The following DPYSL3 variants were observed in gnomAD, a reference collection of about 807,000 sequenced individuals.
DPYSL3 encodes dihydropyrimidinase-related protein 3.
DPYSL3 carries 16 observed loss-of-function variants against 66.1 expected under a neutral mutation model. The observed-to-expected ratio is 0.24, with a 90% CI of 0.16 to 0.37. The LOEUF (loss-of-function observed/expected upper bound fraction) is 0.37, where lower values mean the gene tolerates loss of function less well. DPYSL3 is among the 10% of genes least tolerant of loss of function. The pLI is 1.00. For missense variants in DPYSL3, 738 were observed against 916.2 expected (o/e 0.81, Z 2.51); for synonymous variants, 338 against 345.1 (o/e 0.98, Z 0.23).
intron 1 of DPYSL3, among the ~76,000 whole-genome samples, chr5:147,428,813 G>A (rs534325354): frequency 1.8e-4 from 27 of 152,206 alleles, no homozygotes; most frequent in Middle Eastern, 3.4e-3. Context: ...GGTGGGGTGC[G>A]GGGAGGAGGG....
At chr5:147,394,188 C>A in intron 13 of DPYSL3, 65 bp from the exon 14 acceptor site, 3 of 1,533,420 alleles carry the variant, frequency 2.0e-6, no homozygotes, top group South Asian at 2.3e-5. Context: ...GGGATGTGGG[C>A]AAGAGAGAAA....
At chr5:147,397,372 T>A (rs969657802) in intron 12 of DPYSL3, among the ~76,000 whole-genome samples, 3 of 152,216 alleles carry the variant, frequency 2.0e-5, no homozygotes, top group Non-Finnish European at 2.9e-5. Flanking sequence ...ATTTATTTTT[T>A]AAAAAAATAC....
Position 147,509,679 on chromosome 5 carries a change from C to T in DPYSL3, c.180G>A (p.Arg60=), listed in dbSNP as rs982177036. 15 of 1,535,856 alleles carry T rather than the reference C, an allele frequency of 9.8e-6. No individual in the cohort carries two copies. The highest frequency in any genetic ancestry group is 1.3e-5 in the Non-Finnish European group (15 of 1,146,746). The change falls in exon 1 of 14, where the codon CGG becomes CGA. Residue 60 remains arginine (R), a synonymous_variant. Coordinates refer to ENST00000343218, the MANE Select transcript of DPYSL3 (RefSeq NM_001197294.2). This position sits in a 1 kb window ranked among gnomAD's most constrained non-coding sequence, Gnocchi z 5.3. Reference sequence around the variant, plus strand: ...GGCCGCTCCGAGGAGTCTTCGCGCCCCGCTGCCCCACGCTGAGGGCATCGA... The same window carrying T: ...GGCCGCTCCGAGGAGTCTTCGCGCCTCGCTGCCCCACGCTGAGGGCATCGA... The part of the protein sequence containing the change: ...LDFDALSVGQ[R]GAKTPRSGQG...
At chr5:147,439,224 G>T (rs1445863073) in intron 1 of DPYSL3, among the ~76,000 whole-genome samples, 1 of 152,180 alleles carries the variant, frequency 6.6e-6, no homozygotes, top group African/African-American at 2.4e-5. Context: ...TAAATAAATA[G>T]CGTAATTTCA....
chr5:147,509,499 C>T lies in DPYSL3; in HGVS notation c.360G>A (p.Gln120=). 1.3e-6 allele frequency: 2 copies of T among 1,529,918 alleles called. No individual in the cohort carries two copies. Among genetic ancestry groups the T allele is most frequent in the Middle Eastern group, 3.4e-4 (2 of 5,800 alleles). 94.8% of individuals were successfully genotyped at this position (1,529,918 alleles called of 1,614,324 possible). The change falls in exon 1 of 14, where the codon CAG becomes CAA. Residue 120 remains glutamine, a synonymous_variant. Transcript: ENST00000343218. This position sits in a 1 kb window ranked among gnomAD's most constrained non-coding sequence, Gnocchi z 5.3. The part of the protein sequence containing the change: ...IRSATGKEVL[Q]NLGPKDKSDR... ...TTACCTTGTCCTTGGGGCCGAGGTT[C>T]TGCAACACCTCTTTGCCGGTGGCGC...
chr5:147,476,860 C>T (rs896437931), intron 1 of DPYSL3, among the ~76,000 whole-genome samples: 4 of 151,974 alleles, frequency 2.6e-5, no homozygotes. Flanking sequence ...TGCAAAGATA[C>T]CACTGGGGTA....
At chr5:147,476,626 C>T (rs1753159439) in intron 1 of DPYSL3, among the ~76,000 whole-genome samples, 1 of 152,108 alleles carries the variant, frequency 6.6e-6, no homozygotes, top group South Asian at 2.1e-4. Flanking sequence ...ATTTTGGTCT[C>T]TCAGTGAAAA....
At chr5:147,495,704 C>T (rs1753492206) in intron 1 of DPYSL3, among the ~76,000 whole-genome samples, 1 of 152,070 alleles carries the variant, frequency 6.6e-6, no homozygotes. Flanking sequence ...ATGTGAAGGG[C>T]CTCTTCAAGG....
chr5:147,481,316 T>C (rs1753239942), intron 1 of DPYSL3, among the ~76,000 whole-genome samples: 1 of 152,236 alleles, frequency 6.6e-6, no homozygotes, highest in Non-Finnish European at 1.5e-5. Context: ...TAGAATACAC[T>C]ACAATGTAAT....
At chr5:147,496,465 C>T (rs1753510485) in intron 1 of DPYSL3, among the ~76,000 whole-genome samples, 1 of 152,108 alleles carries the variant, frequency 6.6e-6, no homozygotes, top group East Asian at 1.9e-4. Context: ...AACAGGCAAC[C>T]TACAAAATGG....
At chr5:147,407,959 C>G (rs1751742988) in intron 7 of DPYSL3, among the ~76,000 whole-genome samples, 1 of 151,988 alleles carries the variant, frequency 6.6e-6, no homozygotes, top group African/African-American at 2.4e-5. Context: ...TATATGTGTT[C>G]TATTTATATT....
chr5:147,465,633 C>A (rs955862633), intron 1 of DPYSL3, among the ~76,000 whole-genome samples: 1 of 152,084 alleles, frequency 6.6e-6, no homozygotes, highest in Non-Finnish European at 1.5e-5. Flanking sequence ...TTTATTACCC[C>A]GGGTGCTCTC....
At chr5:147,484,285 G>A (rs1753295771) in intron 1 of DPYSL3, among the ~76,000 whole-genome samples, 1 of 152,176 alleles carries the variant, frequency 6.6e-6, no homozygotes, top group South Asian at 2.1e-4. Flanking sequence ...CTCGCTGAGG[G>A]CTTTTCCCCT....
At chr5:147,428,438 A>G (rs1752241023) in intron 1 of DPYSL3, among the ~76,000 whole-genome samples, 1 of 152,144 alleles carries the variant, frequency 6.6e-6, no homozygotes, top group Admixed American at 6.5e-5. Flanking sequence ...TCAGTCATCA[A>G]CAAAGAGGAA....
At chr5:147,471,658 G>A (rs2126423931) in intron 1 of DPYSL3, among the ~76,000 whole-genome samples, 1 of 152,212 alleles carries the variant, frequency 6.6e-6, no homozygotes, top group East Asian at 1.9e-4. Flanking sequence ...AGAGAAAAAG[G>A]AGCCATTATG....
At chr5:147,421,225 C>A (rs1216172323) in intron 2 of DPYSL3, among the ~76,000 whole-genome samples, 1 of 152,104 alleles carries the variant, frequency 6.6e-6, no homozygotes, top group Non-Finnish European at 1.5e-5. Flanking sequence ...CAGTAATGGA[C>A]AAATAGAGAG....
intron 1 of DPYSL3, among the ~76,000 whole-genome samples, chr5:147,494,700 C>T (rs1455824535): frequency 3.2e-5 from 3 of 92,874 alleles, no homozygotes; most frequent in Admixed American, 1.3e-4. Flanking sequence ...CCCGTCTCTA[C>T]GAAAAATACA....
chr5:147,476,525 G>A lies in DPYSL3; in HGVS notation c.381+32953C>T, dbSNP rs140964983. Among the ~76,000 whole-genome samples the A allele has an allele frequency of 3.3e-3, 510 of 152,276 alleles. 2 individuals are homozygous for A. The highest frequency in any genetic ancestry group is 8.9e-3 in the Admixed American group (136 of 15,302). On this transcript the variant is annotated intron_variant, in intron 1 of 13. Transcript: ENST00000343218. ...GATTTACCCATCTTGGTAACCAAGA[G>A]TTGGAGTTTTAACGCTTCAAAGAGG...
chr5:147,472,016 G>C (rs1753093692), intron 1 of DPYSL3, among the ~76,000 whole-genome samples: 1 of 152,136 alleles, frequency 6.6e-6, no homozygotes, highest in African/African-American at 2.4e-5. Flanking sequence ...TCTTCAAAGA[G>C]AGCAATTCTG....
Sources: gnomAD v4.1 joint callset for allele counts (sites outside exome capture counted in the v4.1 genomes callset) on GRCh38, gnomAD v4.1.1 for gene constraint, Gnocchi (gnomAD v3.1) non-coding constraint, MANE v1.5 for transcripts, NCBI Gene and HGNC (gene_info 2026-07-23, HGNC 2026-07-21) for gene names.